The following FANCD2 variants were observed in gnomAD, a reference collection of about 807,000 sequenced individuals.
FANCD2 encodes Fanconi anemia group D2 protein.
In FANCD2, 131 loss-of-function variants were observed where a neutral mutation model predicts 192.3. The ratio of observed to expected loss-of-function variants is 0.68; its 90% CI spans 0.59 to 0.79. The LOEUF is 0.79. Ranked by LOEUF, FANCD2 falls within the 30% of genes least tolerant of loss-of-function variation. The probability of loss-of-function intolerance (pLI) is 0.00; values close to 1 mark genes in which losing one functional copy is unlikely to be tolerated. For synonymous variants in FANCD2, 524 were observed against 612.5 expected, an observed-to-expected ratio of 0.86 and a Z score of 2.13; for missense variants, 1,508 against 1,701.6, an observed-to-expected ratio of 0.89 and a Z score of 2.00.
intron 25 of FANCD2, among the ~76,000 whole-genome samples, chr3:10,066,778 G>A (rs2087730684): frequency 2.6e-5 from 4 of 152,134 alleles, no homozygotes; most frequent in Admixed American, 2.6e-4. Context: ...AGGCTGGAGT[G>A]CGGTGGCTCA....
Position 10,072,945 on chromosome 3 carries a change from G to A in FANCD2, c.2569G>A (p.Ala857Thr). The change falls in exon 27 of 44, where the codon GCT becomes ACT. Residue 857 changes from alanine (A) to threonine (T), a missense_variant. Coordinates refer to ENST00000675286, the MANE Select transcript of FANCD2 (RefSeq NM_001018115.3). ...AGATATAACACCTCATACTGTTACT[G>A]CTATTTCAGCAAAAATCAGAAAGAA... ...TLDITPHTVT[A>T]ISAKIRKKGK... 6.2e-7 allele frequency: 1 copy of A among 1,607,824 alleles called. No individual in the cohort carries two copies. Among genetic ancestry groups the A allele is most frequent in the Non-Finnish European group, 8.5e-7 (1 of 1,174,342 alleles).
At chr3:10,055,431 G>A (rs556589395) in intron 18 of FANCD2, among the ~76,000 whole-genome samples, 2 of 151,886 alleles carry the variant, frequency 1.3e-5, no homozygotes, top group African/African-American at 2.4e-5. Flanking sequence ...ATCCTTTTGC[G>A]TCTCGCTTAT....
chr3:10,085,725 G>T, intron 32 of FANCD2, 87 bp from the exon 33 acceptor site: 1 of 871,422 alleles, frequency 1.1e-6, no homozygotes, highest in Non-Finnish European at 2.0e-6. Flanking sequence ...AACTATTGAT[G>T]GTACAGACTG....
At chr3:10,031,226 A>G (rs553447170) in intron 2 of FANCD2, among the ~76,000 whole-genome samples, 118 of 152,102 alleles carry the variant, frequency 7.8e-4, no homozygotes, top group East Asian at 2.3e-3. Flanking sequence ...AAAGGAGGCC[A>G]GGCACGGTGG....
At chr3:10,056,998 G>A (rs753657326) in intron 18 of FANCD2, among the ~76,000 whole-genome samples, 7 of 152,080 alleles carry the variant, frequency 4.6e-5, no homozygotes, top group African/African-American at 7.2e-5. Context: ...GGGACCATAG[G>A]TGTGCACCAC....
At chr3:10,079,427 C>T (rs1445605917) in intron 30 of FANCD2, among the ~76,000 whole-genome samples, 1 of 152,052 alleles carries the variant, frequency 6.6e-6, no homozygotes, top group African/African-American at 2.4e-5. Flanking sequence ...GCTGCAGCCT[C>T]CTGAGTAGCT....
intron 32 of FANCD2, chr3:10,083,468 TA>T (rs1405738434): frequency 6.6e-6 from 1 of 152,192 alleles, no homozygotes; most frequent in Non-Finnish European, 1.5e-5. Flanking sequence ...CACATGCTTC[TA>T]GGGGGACTTT....
At chr3:10,096,285 G>C in intron 41 of FANCD2, 41 bp from the exon 42 acceptor site, 1 of 1,608,918 alleles carries the variant, frequency 6.2e-7, no homozygotes, top group Non-Finnish European at 8.5e-7. Context: ...AAGGCATGAT[G>C]ATAAACTCAC....
At chr3:10,031,501 CAAA>C (rs796241281) in intron 2 of FANCD2, among the ~76,000 whole-genome samples, 3 of 87,094 alleles carry the variant, frequency 3.4e-5, no homozygotes, top group Non-Finnish European at 5.1e-5. Flanking sequence ...GACTCCATTT[CAAA>C]AAAAAAAAAA....
intron 15 of FANCD2, among the ~76,000 whole-genome samples, 159 bp downstream of exon 15, chr3:10,046,882 C>T (rs1352779929): frequency 1.3e-5 from 2 of 152,306 alleles, no homozygotes; most frequent in African/African-American, 4.8e-5. Flanking sequence ...ATGCAGTTTG[C>T]AACTTTGACA....
chr3:10,079,335 C>T (rs895974841), intron 30 of FANCD2, among the ~76,000 whole-genome samples: 3 of 152,080 alleles, frequency 2.0e-5, no homozygotes, highest in Non-Finnish European at 4.4e-5. Context: ...GACGGAGTCT[C>T]GCTGTGTCTC....
intron 29 of FANCD2, among the ~76,000 whole-genome samples, chr3:10,077,735 A>T (rs1419580665): frequency 6.6e-6 from 1 of 152,152 alleles, no homozygotes; most frequent in Non-Finnish European, 1.5e-5. Flanking sequence ...AAAAAAATTT[A>T]AAAATTCGCT....
At chr3:10,054,465 A>ATTTT (rs2087338130) in intron 18 of FANCD2, among the ~76,000 whole-genome samples, 1 of 23,514 alleles carries the variant, frequency 4.3e-5, no homozygotes, top group Non-Finnish European at 7.6e-5. Flanking sequence ...ATATATATAT[A>ATTTT]TATATATATT....
chr3:10,086,182 A>G (rs1222712022), intron 33 of FANCD2, among the ~76,000 whole-genome samples: 1 of 152,224 alleles, frequency 6.6e-6, no homozygotes, highest in Non-Finnish European at 1.5e-5. Flanking sequence ...TGATGAAAAC[A>G]TTGACCATCT....
rs1203321141 is a variant in FANCD2, at chr3:10,085,899, C to T, written c.3312C>T (p.Ser1104=). The change falls in exon 33 of 44, where the codon AGC becomes AGT. Residue 1104 remains serine, a synonymous_variant. Transcript: ENST00000675286. The part of the protein sequence containing the change: ...LSSRLKQGEH[S]QPLEELLSQS... ...GCCGACTGAAACAGGGAGAACACAG[C>T]CAGCCTTTGGAGGAACTACTCAGGT... The T allele has an allele frequency of 6.2e-7, 1 of 1,612,380 alleles. No individual in the cohort carries two copies. Among genetic ancestry groups the T allele is most frequent in the Non-Finnish European group, 8.5e-7 (1 of 1,178,516 alleles).
intron 18 of FANCD2, among the ~76,000 whole-genome samples, chr3:10,054,094 C>T (rs972502444): frequency 6.6e-6 from 1 of 151,682 alleles, no homozygotes; most frequent in South Asian, 2.1e-4. Flanking sequence ...CACCTGTAAT[C>T]CTAGCTACTC....
At chr3:10,035,801 C>T (rs944873472) in intron 6 of FANCD2, among the ~76,000 whole-genome samples, 1 of 152,104 alleles carries the variant, frequency 6.6e-6, no homozygotes, top group Non-Finnish European at 1.5e-5. Context: ...TAAGAGCTCC[C>T]TTGTTCCTCC....
intron 43 of FANCD2, chr3:10,099,351 A>G (rs1357721778): frequency 8.4e-7 from 1 of 1,189,316 alleles, no homozygotes; most frequent in Non-Finnish European, 1.0e-6. Flanking sequence ...TGGCTGGCGC[A>G]GTGGCTCATG....
intron 1 of FANCD2, among the ~76,000 whole-genome samples, chr3:10,028,371 G>C (rs2086509113): frequency 6.6e-6 from 1 of 152,172 alleles, no homozygotes; most frequent in Admixed American, 6.6e-5. Context: ...TTGAATCTCA[G>C]ATGGAGAGTG....
Sources: gnomAD v4.1 joint callset for allele counts (sites outside exome capture counted in the v4.1 genomes callset) on GRCh38, gnomAD v4.1.1 for gene constraint, MANE v1.5 for transcripts, NCBI Gene and HGNC (gene_info 2026-07-23, HGNC 2026-07-21) for gene names.